RBMS3: variants seen among roughly 807,000 people sequenced by gnomAD.
RBMS3 encodes RNA-binding motif, single-stranded-interacting protein 3.
RBMS3 carries 27 observed loss-of-function variants against 66.8 expected under a neutral mutation model. The ratio of observed to expected loss-of-function variants is 0.40; its 90% CI spans 0.30 to 0.56. The LOEUF (loss-of-function observed/expected upper bound fraction) is 0.56, where lower values mean the gene tolerates loss of function less well. RBMS3 is among the 20% of genes least tolerant of loss of function. RBMS3 has a pLI of 0.40. For synonymous variants in RBMS3, 188 were observed against 183.0 expected (o/e 1.03, Z -0.22); for missense variants, 513 against 549.5 (o/e 0.93, Z 0.66).
chr3:29,462,527 C>T (rs2042405767), intron 2 of RBMS3, among the ~76,000 whole-genome samples: 1 of 152,154 alleles, frequency 6.6e-6, no homozygotes, highest in African/African-American at 2.4e-5. Context: ...GGAGCTGATC[C>T]TTCTCAGTTT....
chr3:29,404,853 G>A (rs1312977626), intron 1 of RBMS3, among the ~76,000 whole-genome samples: 11 of 152,170 alleles, frequency 7.2e-5, no homozygotes, highest in African/African-American at 1.7e-4. Context: ...AGTACATACC[G>A]AAAATATAGC....
intron 6 of RBMS3, among the ~76,000 whole-genome samples, chr3:29,793,568 T>G (rs1165197400): frequency 6.6e-6 from 1 of 152,240 alleles, no homozygotes; most frequent in African/African-American, 2.4e-5. Context: ...TTAAGAAATG[T>G]ATTCTATTTT....
At chr3:29,840,858 G>T (rs1269793154) in intron 6 of RBMS3, among the ~76,000 whole-genome samples, 1 of 151,826 alleles carries the variant, frequency 6.6e-6, no homozygotes, top group African/African-American at 2.4e-5. Flanking sequence ...ATGGATTTAT[G>T]TATATGATGG....
At chr3:29,397,586 A>G (rs998015885) in intron 1 of RBMS3, among the ~76,000 whole-genome samples, 1 of 151,960 alleles carries the variant, frequency 6.6e-6, no homozygotes, top group Admixed American at 6.6e-5. Flanking sequence ...AGAGGAACAG[A>G]CCCCTAAGAC....
Position 29,767,465 on chromosome 3 carries a change from A to G in RBMS3, c.637+4476A>G, listed in dbSNP as rs200697813. ...AGGAAAATTTGAGAGAAAGCCTACC[A>G]CATTATGGGATCTTTAAAAATTTAA... On this transcript the variant is annotated intron_variant, in intron 6 of 14. Transcript: ENST00000383767. The G allele has an allele frequency of 6.6e-5, 10 of 152,116 alleles. No homozygotes were observed. In the East Asian group the frequency reaches 1.7e-3, roughly 27 times the overall value. The allele number at this position is 152,116 out of a possible 1,614,324, so 9.4% of individuals were successfully genotyped here. A position where few individuals can be genotyped will look rare whatever the true frequency, so the allele number is the denominator to read the frequency against.
intron 3 of RBMS3, among the ~76,000 whole-genome samples, chr3:29,529,610 T>C (rs981588090): frequency 7.2e-5 from 11 of 151,822 alleles, no homozygotes; most frequent in Admixed American, 6.6e-4. Context: ...TTTTTTTAAA[T>C]ATAAAATACA....
intron 6 of RBMS3, among the ~76,000 whole-genome samples, chr3:29,774,997 T>G (rs985036407): frequency 6.6e-6 from 1 of 151,868 alleles, no homozygotes; most frequent in Admixed American, 6.6e-5. Context: ...TCAATAATTT[T>G]TCAGAGTGTA....
intron 4 of RBMS3, among the ~76,000 whole-genome samples, chr3:29,699,144 AATGTAGAGCTATTTTC>A (rs980282632): frequency 6.6e-6 from 1 of 152,098 alleles, no homozygotes; most frequent in African/African-American, 2.4e-5. Flanking sequence ...GAAGGTTTCA[AATGTAGAGCTATTTTC>A]ATTTTTTTGA....
intron 1 of RBMS3, among the ~76,000 whole-genome samples, chr3:29,396,564 A>G (rs2039560100): frequency 6.6e-6 from 1 of 152,208 alleles, no homozygotes; most frequent in African/African-American, 2.4e-5. Flanking sequence ...AGGGATAAAG[A>G]ACCATGATTT....
At chr3:29,337,814 C>T (rs1350197082) in intron 1 of RBMS3, among the ~76,000 whole-genome samples, 6 of 152,154 alleles carry the variant, frequency 3.9e-5, no homozygotes, top group Non-Finnish European at 8.8e-5. Context: ...TCTACAAACA[C>T]TGTGTTTCCA....
chr3:29,967,399 G>T (rs1187488137), intron 12 of RBMS3, among the ~76,000 whole-genome samples: 1 of 152,110 alleles, frequency 6.6e-6, no homozygotes, highest in African/African-American at 2.4e-5. Context: ...GAGTTCAAGT[G>T]CTTCTCCTGC....
At chr3:29,596,192 T>C (rs968568011) in intron 4 of RBMS3, among the ~76,000 whole-genome samples, 60 of 152,238 alleles carry the variant, frequency 3.9e-4, no homozygotes, top group African/African-American at 1.4e-3. Flanking sequence ...ATAATTGCTT[T>C]CTGCATTTTA....
At chr3:29,645,767 T>C (rs2049897924) in intron 4 of RBMS3, among the ~76,000 whole-genome samples, 1 of 152,238 alleles carries the variant, frequency 6.6e-6, no homozygotes. Flanking sequence ...CATTTGATGT[T>C]TTGCAGCATG....
intron 3 of RBMS3, among the ~76,000 whole-genome samples, chr3:29,534,947 A>G (rs184454027): frequency 1.3e-5 from 2 of 151,422 alleles, no homozygotes; most frequent in East Asian, 3.9e-4. Context: ...AATTGAGAAA[A>G]GAAAAAAAAA....
At chr3:29,767,251 A>G (rs2055970256) in intron 6 of RBMS3, 1 of 151,974 alleles carries the variant, frequency 6.6e-6, no homozygotes, top group Admixed American at 6.6e-5. Context: ...GATGAACAGA[A>G]CATGCAGGCC....
At chr3:29,299,830 G>A (rs1487109111) in intron 1 of RBMS3, among the ~76,000 whole-genome samples, 2 of 151,604 alleles carry the variant, frequency 1.3e-5, no homozygotes, top group African/African-American at 4.8e-5. Context: ...AGATAATGAG[G>A]GACAACTGTA....
At chr3:29,946,110 G>C (rs954034386) in intron 12 of RBMS3, among the ~76,000 whole-genome samples, 1 of 151,686 alleles carries the variant, frequency 6.6e-6, no homozygotes, top group African/African-American at 2.4e-5. Flanking sequence ...TTAATTGGTA[G>C]TTTGACATAA....
At chr3:29,716,596 A>T (rs1174938722) in intron 4 of RBMS3, among the ~76,000 whole-genome samples, 1 of 152,152 alleles carries the variant, frequency 6.6e-6, no homozygotes, top group Non-Finnish European at 1.5e-5. Flanking sequence ...TCCTTTTATT[A>T]AAACTTTAAG....
At chr3:29,782,870 T>G (rs1268498257) in intron 6 of RBMS3, among the ~76,000 whole-genome samples, 1 of 151,974 alleles carries the variant, frequency 6.6e-6, no homozygotes, top group African/African-American at 2.4e-5. Context: ...AGGACACACT[T>G]AGAGAAATGC....
Sources: gnomAD v4.1 joint callset for allele counts (sites outside exome capture counted in the v4.1 genomes callset) on GRCh38, gnomAD v4.1.1 for gene constraint, MANE v1.5 for transcripts, NCBI Gene and HGNC (gene_info 2026-07-23, HGNC 2026-07-21) for gene names.